The following HEBP1 variants were observed in gnomAD, a reference collection of about 807,000 sequenced individuals.
The protein encoded by HEBP1 is heme-binding protein 1.
Under a neutral mutation model 20.4 loss-of-function variants are expected in HEBP1, and 13 were observed. The observed-to-expected ratio is 0.64, with a 90% CI of 0.42 to 1.01. The LOEUF (loss-of-function observed/expected upper bound fraction) is 1.01, where lower values mean the gene tolerates loss of function less well. Ranked by LOEUF, HEBP1 falls within the 50% of genes least tolerant of loss-of-function variation. The pLI is 0.00. For synonymous variants in HEBP1, 92 were observed against 90.7 expected, an observed-to-expected ratio of 1.01 and a Z score of -0.08; for missense variants, 241 against 247.3, an observed-to-expected ratio of 0.97 and a Z score of 0.17.
Position 12,987,608 on chromosome 12 carries a change from C to CTT in HEBP1, c.218-277_218-276insAA, listed in dbSNP as rs1555114932. 2.8e-3 allele frequency among the ~76,000 whole-genome samples: 133 copies of CTT among 48,242 alleles called. 3 individuals are homozygous for CTT. In the South Asian group the frequency reaches 0.081, roughly 30 times the overall value. 31.6% of individuals were successfully genotyped at this position (48,242 alleles called of 152,430 possible). On this transcript the variant is annotated intron_variant, in intron 2 of 3. Coordinates refer to ENST00000014930, the MANE Select transcript of HEBP1 (RefSeq NM_015987.5). ...AGTCTCTTTCTCTCTCTCTCTCTCT[C>CTT]TCTTTCTCTCTCTCTCTCTCTCTCT...
intron 2 of HEBP1, among the ~76,000 whole-genome samples, chr12:12,987,634 CTT>C (rs1491574962): frequency 2.0e-5 from 3 of 151,242 alleles, no homozygotes; most frequent in African/African-American, 4.9e-5. Flanking sequence ...CTCTCTCTCT[CTT>C]TCTTTCTTTC....
intron 1 of HEBP1, among the ~76,000 whole-genome samples, chr12:12,992,024 G>A (rs529160415): frequency 1.3e-5 from 2 of 152,298 alleles, no homozygotes; most frequent in East Asian, 3.8e-4. Context: ...ATGAAAAACA[G>A]ACACATGGTA....
chr12:12,976,221 T>C (rs1003807137), intron 3 of HEBP1, among the ~76,000 whole-genome samples: 9 of 152,142 alleles, frequency 5.9e-5, no homozygotes, highest in African/African-American at 2.2e-4. Context: ...AAATCACTTC[T>C]CATAAATCCT....
At chr12:12,990,908 G>A (rs1864217462) in intron 1 of HEBP1, among the ~76,000 whole-genome samples, 1 of 152,098 alleles carries the variant, frequency 6.6e-6, no homozygotes, top group Non-Finnish European at 1.5e-5. Context: ...AACCAGTTCT[G>A]CCATTGCACC....
At chr12:12,983,652 T>C (rs886208595) in intron 3 of HEBP1, 6 of 455,614 alleles carry the variant, frequency 1.3e-5, no homozygotes, top group African/African-American at 4.0e-5. Context: ...AAGTGGCGAG[T>C]TGAGGAATGA....
At chr12:12,991,051 T>C (rs2136548146) in intron 1 of HEBP1, among the ~76,000 whole-genome samples, 1 of 152,290 alleles carries the variant, frequency 6.6e-6, no homozygotes, top group Middle Eastern at 3.4e-3. Context: ...CATCCCTGAA[T>C]GCTCAGGGAG....
intron 2 of HEBP1, among the ~76,000 whole-genome samples, chr12:12,988,075 A>G (rs767303996): frequency 6.6e-6 from 1 of 152,238 alleles, no homozygotes; most frequent in Non-Finnish European, 1.5e-5. Context: ...ACATGATACA[A>G]TATAATGTAG....
intron 1 of HEBP1, among the ~76,000 whole-genome samples, chr12:12,993,921 G>A (rs1864261100): frequency 1.3e-5 from 2 of 152,190 alleles, no homozygotes; most frequent in African/African-American, 4.8e-5. Context: ...GGGCATGGGT[G>A]TATGTGATAA....
Position 12,979,425 on chromosome 12 carries a change from T to A in HEBP1, c.399-3946A>T, listed in dbSNP as rs561094711. 3 of 152,706 alleles carry A rather than the reference T, an allele frequency of 2.0e-5. No individual in the cohort carries two copies. In the South Asian group the frequency reaches 6.2e-4, roughly 32 times the overall value. The allele number at this position is 152,706 out of a possible 1,614,324, so 9.5% of individuals were successfully genotyped here. ...ATTTAACCAACCACACTGACTCCCA[T>A]CACAGAACTGCACAAACAAGCCAGA... On this transcript the variant is annotated intron_variant, in intron 3 of 3. Coordinates refer to ENST00000014930, the MANE Select transcript of HEBP1 (RefSeq NM_015987.5).
intron 1 of HEBP1, among the ~76,000 whole-genome samples, chr12:12,990,480 T>A (rs1048705807): frequency 2.6e-5 from 4 of 152,176 alleles, no homozygotes; most frequent in South Asian, 2.1e-4. Context: ...AAACTGCCTT[T>A]GCAAAAATTA....
Position 12,975,235 on chromosome 12 carries a change from C to G in HEBP1, c.*73G>C. 6.9e-7 allele frequency: 1 copy of G among 1,440,704 alleles called. No individual in the cohort carries two copies. The highest frequency in any genetic ancestry group is 9.6e-7 in the Non-Finnish European group (1 of 1,043,280). 89.2% of individuals were successfully genotyped at this position (1,440,704 alleles called of 1,614,324 possible). A position where few individuals can be genotyped will look rare whatever the true frequency, so the allele number is the denominator to read the frequency against. On this transcript the variant is annotated 3_prime_UTR_variant, in exon 4 of 4. Transcript: ENST00000014930. The stretch of plus-strand genomic sequence containing the variant: ...ACTTGCAGCTGGAACTTGGGAAGCA[C>G]TGTCCCCTCCTTACCCCCGAGGAAG...
In HEBP1 at chr12:12,996,751, T is replaced by C. The variant is rs1864295190; in HGVS notation, c.78+3286A>G. On this transcript the variant is annotated intron_variant, in intron 1 of 3. Coordinates refer to ENST00000014930, the MANE Select transcript of HEBP1 (RefSeq NM_015987.5). The surrounding 1 kb of genome is among the most constrained non-coding windows in gnomAD (Gnocchi z 4.1). ...TTGAGGAATTCAAGGGCTCACGGGA[T>C]GTTAAGTAATTTACCCAAACTTTAC... Among the ~76,000 whole-genome samples, 1 of 152,214 alleles carries C rather than the reference T, an allele frequency of 6.6e-6. No individual in the cohort carries two copies. The highest frequency in any genetic ancestry group is 1.5e-5 in the Non-Finnish European group (1 of 68,038).
At chr12:12,978,614 C>T (rs899544973) in intron 3 of HEBP1, among the ~76,000 whole-genome samples, 2 of 151,918 alleles carry the variant, frequency 1.3e-5, no homozygotes, top group Non-Finnish European at 2.9e-5. Flanking sequence ...AGATGTGGGG[C>T]CACCGGAGCC....
At chr12:12,992,832 G>A (rs1339348365) in intron 1 of HEBP1, among the ~76,000 whole-genome samples, 1 of 152,124 alleles carries the variant, frequency 6.6e-6, no homozygotes, top group Admixed American at 6.5e-5. Context: ...ACACTATCCT[G>A]TGAATCACAG....
chr12:12,999,464 A>G (rs137912570), intron 1 of HEBP1, among the ~76,000 whole-genome samples: 227 of 152,340 alleles, frequency 1.5e-3, no homozygotes, highest in Middle Eastern at 6.8e-3. Context: ...TAGAGATAGG[A>G]GGCTGACCTT....
intron 3 of HEBP1, chr12:12,977,323 A>T (rs1039064532): frequency 1.2e-4 from 18 of 152,266 alleles, no homozygotes; most frequent in African/African-American, 3.9e-4. Context: ...TAAGCTCACA[A>T]CAAACAGTAG....
chr12:12,977,123 A>G (rs545332177), intron 3 of HEBP1, among the ~76,000 whole-genome samples: 8 of 152,364 alleles, frequency 5.3e-5, no homozygotes, highest in Middle Eastern at 3.4e-3. Context: ...GTTAGAGGCA[A>G]AATGGCTAGT....
intron 3 of HEBP1, among the ~76,000 whole-genome samples, chr12:12,981,305 T>C (rs1864079095): frequency 6.6e-6 from 1 of 152,100 alleles, no homozygotes; most frequent in Non-Finnish European, 1.5e-5. Flanking sequence ...ATACTTGAGG[T>C]GGTGATGCCT....
chr12:12,999,384 A>T (rs1462905295), intron 1 of HEBP1, among the ~76,000 whole-genome samples: 10 of 152,244 alleles, frequency 6.6e-5, no homozygotes, highest in Admixed American at 3.3e-4. Context: ...AAGTAAAATA[A>T]GGGTTACTTC....
Sources: gnomAD v4.1 joint callset for allele counts (sites outside exome capture counted in the v4.1 genomes callset) on GRCh38, gnomAD v4.1.1 for gene constraint, Gnocchi (gnomAD v3.1) non-coding constraint, MANE v1.5 for transcripts, NCBI Gene and HGNC (gene_info 2026-07-23, HGNC 2026-07-21) for gene names.